RUNX1T1: variants seen among roughly 807,000 people sequenced by gnomAD.
The protein encoded by RUNX1T1 is RUNX1 partner transcriptional co-repressor 1, also known as protein CBFA2T1.
A neutral mutation model predicts 62.8 loss-of-function variants in RUNX1T1; 4 were observed. The observed-to-expected ratio is 0.06, with a 90% CI of 0.03 to 0.15. The LOEUF is 0.15. RUNX1T1 is among the 10% of genes least tolerant of loss of function. The pLI is 1.00. For missense variants in RUNX1T1, 508 were observed against 754.3 expected (o/e 0.67, Z 3.82); for synonymous variants, 291 against 286.0 (o/e 1.02, Z -0.18).
Position 92,041,134 on chromosome 8 carries a change from A to T in RUNX1T1, c.7+21412T>A, listed in dbSNP as rs545813742. ...ACTATAAGACAATGCAATAGATCTT[A>T]TTCATATTACCATTTTCAGGTGAAA... On this transcript the variant is annotated intron_variant, in intron 1 of 10. Transcript: ENST00000396218. 3.3e-5 allele frequency among the ~76,000 whole-genome samples: 5 copies of T among 152,330 alleles called. No homozygotes were observed. The East Asian group carries it at 9.6e-4, about 29-fold the overall frequency.
rs1466535894 is a variant in RUNX1T1, at chr8:92,080,192, T to G, written c.-85-4055A>C. The stretch of plus-strand genomic sequence containing the variant: ...CTAGGAACCTAGTTGTAGCCCCAAA[T>G]GAAAAGAAAAACAAATGAATCCCAC... On this transcript the variant is annotated intron_variant, in intron 1 of 11. Transcript: ENST00000265814. Among the ~76,000 whole-genome samples the G allele has an allele frequency of 8.5e-5, 13 of 152,194 alleles. No individual in the cohort carries two copies. The East Asian group carries it at 2.1e-3, about 25-fold the overall frequency.
chr8:92,091,799 G>C (rs914520805), intron 1 of RUNX1T1, among the ~76,000 whole-genome samples: 1 of 152,118 alleles, frequency 6.6e-6, no homozygotes, highest in East Asian at 1.9e-4. Context: ...ATACTTCTTT[G>C]GTTGGTTCCA....
intron 1 of RUNX1T1, among the ~76,000 whole-genome samples, chr8:92,060,553 A>ATATATATATATATATATATATATATG: frequency 1.6e-5 from 1 of 63,972 alleles, no homozygotes; most frequent in Non-Finnish European, 3.2e-5. Flanking sequence ...ATATATATAT[A>ATATATATATATATATATATATATATG]TGTGTGTGTG....
intron 1 of RUNX1T1, among the ~76,000 whole-genome samples, chr8:92,032,093 C>CAAAAAAAAAAAAAAAAAAA (rs59047751): frequency 3.4e-5 from 1 of 29,534 alleles, no homozygotes; most frequent in Non-Finnish European, 5.5e-5. Context: ...AATCCTGTCT[C>CAAAAAAAAAAAAAAAAAAA]AAAAAAAAAA....
chr8:91,979,258 C>A (rs1289126442), intron 8 of RUNX1T1, among the ~76,000 whole-genome samples: 1 of 152,088 alleles, frequency 6.6e-6, no homozygotes, highest in Non-Finnish European at 1.5e-5. Flanking sequence ...ATAGGGAAAA[C>A]TGAGTTTGAA....
At chr8:92,010,256 C>T (rs1292404946) in intron 4 of RUNX1T1, 1 of 152,140 alleles carries the variant, frequency 6.6e-6, no homozygotes, top group African/African-American at 2.4e-5. Context: ...ATCTGCTAAG[C>T]CCACTGTTAG....
At chr8:92,082,170 C>G (rs1168514343) in intron 1 of RUNX1T1, among the ~76,000 whole-genome samples, 1 of 152,186 alleles carries the variant, frequency 6.6e-6, no homozygotes, top group Admixed American at 6.5e-5. Flanking sequence ...CAGGCTTGAG[C>G]CACCGCGCCT....
At chr8:91,960,103 C>A (rs542393831) in exon 11 of RUNX1T1, 10 of 864,094 alleles carry the variant, frequency 1.2e-5, no homozygotes, top group Non-Finnish European at 1.8e-5. Flanking sequence ...CAGTTAGGTT[C>A]TCTCTTGCTG....
At chr8:92,040,537 A>T (rs1455837080) in intron 1 of RUNX1T1, among the ~76,000 whole-genome samples, 2 of 152,192 alleles carry the variant, frequency 1.3e-5, no homozygotes, top group Non-Finnish European at 2.9e-5. Context: ...TAAGTTATCA[A>T]GTTTTAAAAA....
At chr8:92,048,909 T>C (rs76946711) in intron 1 of RUNX1T1, among the ~76,000 whole-genome samples, 4,894 of 152,166 alleles carry the variant, frequency 0.032, 269 homozygotes, top group African/African-American at 0.11. Context: ...AGCAGTGTAG[T>C]TTGCAATATT....
downstream of RUNX1T1, chr8:91,957,359 T>C (rs949849279): frequency 2.7e-5 from 6 of 225,020 alleles, no homozygotes; most frequent in African/African-American, 1.1e-4. Flanking sequence ...CAGTTTTTGT[T>C]AGCTACTGGT....
chr8:92,061,132 C>G (rs907082651), intron 1 of RUNX1T1, among the ~76,000 whole-genome samples: 10 of 152,268 alleles, frequency 6.6e-5, no homozygotes, highest in African/African-American at 2.2e-4. Flanking sequence ...TAACTAATCT[C>G]GTTCACCTAT....
chr8:91,974,727 T>C (rs185661835), intron 9 of RUNX1T1, among the ~76,000 whole-genome samples: 405 of 152,300 alleles, frequency 2.7e-3, no homozygotes, highest in Admixed American at 4.3e-3. Flanking sequence ...ATTTTAACCT[T>C]TAAGCTAAAT....
At chr8:92,011,549 C>T (rs1563750782) in intron 3 of RUNX1T1, among the ~76,000 whole-genome samples, 1 of 152,208 alleles carries the variant, frequency 6.6e-6, no homozygotes, top group Admixed American at 6.5e-5. Context: ...TCTTCTCCTC[C>T]TCCTGTATTT....
Position 92,058,252 on chromosome 8 carries a change from T to C in RUNX1T1, c.7+4294A>G, listed in dbSNP as rs575651706. Reference sequence around the variant, plus strand: ...AACCTACAAATGTCTACTACCCAACTTTCCTCATTACAGTAACTTTCTGTT... The same window carrying C: ...AACCTACAAATGTCTACTACCCAACCTTCCTCATTACAGTAACTTTCTGTT... On this transcript the variant is annotated intron_variant, in intron 1 of 10. Coordinates refer to ENST00000396218, the Ensembl canonical transcript of RUNX1T1. 3.3e-5 allele frequency among the ~76,000 whole-genome samples: 5 copies of C among 152,330 alleles called. 1 individual carries two copies. Among genetic ancestry groups the C allele is most frequent in the Admixed American group, 3.3e-4 (5 of 15,302 alleles).
At chr8:92,101,819 C>A (rs1043148185), upstream of RUNX1T1, among the ~76,000 whole-genome samples, 8 of 152,184 alleles carry the variant, frequency 5.3e-5, no homozygotes, top group African/African-American at 1.9e-4. Flanking sequence ...GCTCAAAGCA[C>A]CCCAGTCAGC....
intron 10 of RUNX1T1, among the ~76,000 whole-genome samples, chr8:91,962,697 T>C (rs1227197305): frequency 6.6e-6 from 1 of 152,236 alleles, no homozygotes; most frequent in Non-Finnish European, 1.5e-5. Flanking sequence ...GCTTTTAGAA[T>C]AATGCCAGCT....
At chr8:92,080,940 C>G (rs763546630) in intron 1 of RUNX1T1, among the ~76,000 whole-genome samples, 4 of 152,302 alleles carry the variant, frequency 2.6e-5, no homozygotes, top group Non-Finnish European at 5.9e-5. Context: ...ACAAACCAGG[C>G]AATTTTAAAT....
upstream of RUNX1T1, among the ~76,000 whole-genome samples, chr8:92,102,050 CAGA>C (rs1334572238): frequency 1.3e-5 from 2 of 152,240 alleles, no homozygotes; most frequent in Non-Finnish European, 1.5e-5. This position sits in a 1 kb window ranked among gnomAD's most constrained non-coding sequence, Gnocchi z 4.5. Context: ...GCTCCCCACT[CAGA>C]AGAAGCGGGC....
Sources: allele counts gnomAD v4.1 joint callset (sites outside exome capture counted in the v4.1 genomes callset), GRCh38; gene constraint gnomAD v4.1.1; non-coding constraint Gnocchi (gnomAD v3.1); transcripts MANE v1.5; gene names NCBI Gene and HGNC (gene_info 2026-07-23, HGNC 2026-07-21).